Variants in CTNNA2 observed in about 807,000 individuals in gnomAD.
The protein encoded by CTNNA2 is catenin alpha 2, also known as catenin alpha-2.
A neutral mutation model predicts 101.0 loss-of-function variants in CTNNA2; 42 were observed. That is an observed-to-expected ratio of 0.42 (90% CI 0.32 to 0.54). CTNNA2 has a LOEUF of 0.54. Among genes scored for constraint, CTNNA2 ranks in the 20% least tolerant of loss-of-function variants. CTNNA2 has a pLI of 0.14. For synonymous variants in CTNNA2, 450 were observed against 456.4 expected (o/e 0.99, Z 0.18); for missense variants, 871 against 1,223.1 (o/e 0.71, Z 4.29).
intron 1 of CTNNA2, among the ~76,000 whole-genome samples, chr2:79,551,826 G>C (rs1265894996): frequency 1.3e-5 from 2 of 152,220 alleles, no homozygotes; most frequent in East Asian, 3.9e-4. Context: ...TAAACAACCA[G>C]ATCTTGTGAG....
intron 3 of CTNNA2, among the ~76,000 whole-genome samples, chr2:79,333,757 G>C (rs1436934559): frequency 6.6e-6 from 1 of 151,992 alleles, no homozygotes. Flanking sequence ...TCACCTAATT[G>C]TTTAAAGTGT....
At chr2:79,899,935 T>G (rs1235728633) in intron 6 of CTNNA2, among the ~76,000 whole-genome samples, 1 of 152,196 alleles carries the variant, frequency 6.6e-6, no homozygotes, top group Non-Finnish European at 1.5e-5. Context: ...TGGGAAAGCT[T>G]GGCACAGAAT....
chr2:79,633,114 G>T (rs1388262587), intron 1 of CTNNA2, among the ~76,000 whole-genome samples: 1 of 152,122 alleles, frequency 6.6e-6, no homozygotes, highest in Admixed American at 6.5e-5. Flanking sequence ...TAGTTAGGAG[G>T]GTTTGGGGCT....
intron 2 of CTNNA2, among the ~76,000 whole-genome samples, chr2:79,268,744 T>TG (rs781550229): frequency 3.9e-5 from 6 of 152,056 alleles, no homozygotes; most frequent in Non-Finnish European, 8.8e-5. Context: ...GGGTGGTGTG[T>TG]GGGGAAAAAA....
intron 9 of CTNNA2, among the ~76,000 whole-genome samples, chr2:80,439,415 AGAGTCTCACTCTGTCTCCC>A: frequency 6.6e-6 from 1 of 151,730 alleles, no homozygotes; most frequent in East Asian, 1.9e-4. Context: ...TTTTTGAGAC[AGAGTCTCACTCTGTCTCCC>A]AGGCTGCAGG....
chr2:79,844,204 G>A (rs1680034279), intron 3 of CTNNA2, among the ~76,000 whole-genome samples: 1 of 152,182 alleles, frequency 6.6e-6, no homozygotes, highest in African/African-American at 2.4e-5. Flanking sequence ...GAGGCAGGAA[G>A]ACCCTGAGAC....
At chr2:80,387,459 G>A (rs1459759473) in intron 7 of CTNNA2, among the ~76,000 whole-genome samples, 1 of 152,138 alleles carries the variant, frequency 6.6e-6, no homozygotes, top group Non-Finnish European at 1.5e-5. Flanking sequence ...TTTATATAGG[G>A]AGACAGTGGG....
intron 7 of CTNNA2, among the ~76,000 whole-genome samples, chr2:80,195,180 G>A (rs1706754480): frequency 6.6e-6 from 1 of 152,038 alleles, no homozygotes; most frequent in South Asian, 2.1e-4. Flanking sequence ...TATTCTCTTG[G>A]TTTTATAGTC....
intron 7 of CTNNA2, among the ~76,000 whole-genome samples, chr2:80,007,317 C>T (rs748846147): frequency 6.6e-6 from 1 of 152,106 alleles, no homozygotes; most frequent in African/African-American, 2.4e-5. Context: ...CCAAGTTTTT[C>T]CTTTTCCAAT....
rs74884920 is a variant in CTNNA2, at chr2:79,796,816, A to C, written c.298+52234A>C. ...ATTTTTCCCTGTCCATGCTAAAAAG[A>C]TGCAATCCACCCCGTCTTTATTATG... On this transcript the variant is annotated intron_variant, in intron 3 of 18. Transcript: ENST00000402739. Among the ~76,000 whole-genome samples, 433 of 152,286 alleles carry C rather than the reference A, an allele frequency of 2.8e-3. 17 individuals are homozygous for C. In the East Asian group the frequency reaches 0.053, roughly 19 times the overall value.
chr2:79,349,648 C>T (rs1173909890), intron 3 of CTNNA2, among the ~76,000 whole-genome samples: 1 of 152,060 alleles, frequency 6.6e-6, no homozygotes, highest in East Asian at 1.9e-4. Context: ...CCAACAATAG[C>T]TTGGAAGTCA....
intron 15 of CTNNA2, among the ~76,000 whole-genome samples, chr2:80,600,907 C>G (rs1243135124): frequency 6.6e-6 from 1 of 152,086 alleles, no homozygotes; most frequent in African/African-American, 2.4e-5. Flanking sequence ...CAACTATCAC[C>G]CAGCTCAAGA....
intron 7 of CTNNA2, among the ~76,000 whole-genome samples, chr2:80,210,545 A>G (rs997334216): frequency 4.6e-5 from 7 of 152,222 alleles, no homozygotes; most frequent in South Asian, 2.1e-4. Context: ...ACATGAACTC[A>G]TCCTTTTTTA....
intron 1 of CTNNA2, among the ~76,000 whole-genome samples, chr2:79,550,768 T>A (rs1166431660): frequency 6.6e-6 from 1 of 152,202 alleles, no homozygotes; most frequent in Non-Finnish European, 1.5e-5. Flanking sequence ...ATAGTTCCTT[T>A]AGACCTTACA....
intron 7 of CTNNA2, among the ~76,000 whole-genome samples, chr2:80,243,919 C>T (rs1671132351): frequency 1.3e-5 from 2 of 152,272 alleles, no homozygotes; most frequent in South Asian, 4.1e-4. Flanking sequence ...CCAATTCCTC[C>T]ACATCCTGGC....
intron 1 of CTNNA2, among the ~76,000 whole-genome samples, chr2:79,614,226 T>G (rs938800632): frequency 6.6e-6 from 1 of 152,216 alleles, no homozygotes; most frequent in African/African-American, 2.4e-5. Context: ...CAGTTATTTT[T>G]GGTTAGTCAA....
At chr2:79,663,714 G>A (rs1260475774) in intron 2 of CTNNA2, among the ~76,000 whole-genome samples, 1 of 152,004 alleles carries the variant, frequency 6.6e-6, no homozygotes, top group Non-Finnish European at 1.5e-5. Flanking sequence ...GTTACTATTT[G>A]TAATTGTATT....
In CTNNA2 at chr2:80,302,285, C is replaced by T. The variant is rs750901110; in HGVS notation, c.1057-90926C>T. On this transcript the variant is annotated intron_variant, in intron 7 of 18. Coordinates refer to ENST00000402739, the MANE Select transcript of CTNNA2 (RefSeq NM_001282597.3). This position sits in a 1 kb window ranked among gnomAD's most constrained non-coding sequence, Gnocchi z 6.4. ...GCATTCCCTCGCGGGCTGCTGGTGG[C>T]AGGTACACGAGCCATACTCGTTGAT... 1 of 1,613,838 alleles carries T rather than the reference C, an allele frequency of 6.2e-7. No homozygotes were observed. The highest frequency in any genetic ancestry group is 1.1e-5 in the South Asian group (1 of 91,044).
At chr2:79,789,851 A>G (rs1317025853) in intron 3 of CTNNA2, among the ~76,000 whole-genome samples, 1 of 152,088 alleles carries the variant, frequency 6.6e-6, no homozygotes, top group East Asian at 1.9e-4. Context: ...TGCATTTGAC[A>G]TGCTTCCTGG....
Sources: allele counts gnomAD v4.1 joint callset (sites outside exome capture counted in the v4.1 genomes callset), GRCh38; gene constraint gnomAD v4.1.1; non-coding constraint Gnocchi (gnomAD v3.1); transcripts MANE v1.5; gene names NCBI Gene and HGNC (gene_info 2026-07-23, HGNC 2026-07-21).